The following LRRK2 variants were observed in gnomAD, a reference collection of about 807,000 sequenced individuals.
LRRK2 encodes the protein leucine rich repeat kinase 2, also known as leucine-rich repeat serine/threonine-protein kinase 2.
LRRK2 carries 203 observed loss-of-function variants against 302.6 expected under a neutral mutation model. The observed-to-expected ratio is 0.67, with a 90% CI of 0.60 to 0.75. LRRK2 has a LOEUF of 0.75. Ranked by LOEUF, LRRK2 falls within the 30% of genes least tolerant of loss-of-function variation. LRRK2 has a pLI of 0.00. For missense variants in LRRK2, 2,830 were observed against 2,951.0 expected, an observed-to-expected ratio of 0.96 and a Z score of 0.95; for synonymous variants, 1,066 against 1,031.9, an observed-to-expected ratio of 1.03 and a Z score of -0.63.
At chr12:40,304,187 A>T (rs748349762) in intron 27 of LRRK2, 53 bp downstream of exon 27, 6 of 1,559,168 alleles carry the variant, frequency 3.8e-6, no homozygotes, top group East Asian at 2.2e-5. Context: ...GCATCATTAC[A>T]AATTATCATT....
intron 38 of LRRK2, among the ~76,000 whole-genome samples, chr12:40,324,698 C>T (rs1945495636): frequency 2.0e-5 from 3 of 152,166 alleles, no homozygotes; most frequent in South Asian, 2.1e-4. Context: ...TTATACCCCT[C>T]TTATTGGCAT....
chr12:40,265,751 A>G (rs1312150959), intron 14 of LRRK2, among the ~76,000 whole-genome samples: 2 of 152,176 alleles, frequency 1.3e-5, no homozygotes, highest in African/African-American at 2.4e-5. Flanking sequence ...ACTTCAAACT[A>G]TACTACAAAG....
At chr12:40,306,176 T>G (rs1207179274) in intron 28 of LRRK2, among the ~76,000 whole-genome samples, 1 of 152,196 alleles carries the variant, frequency 6.6e-6, no homozygotes, top group Non-Finnish European at 1.5e-5. Flanking sequence ...GCCAGACTAA[T>G]GTTGAGAGCG....
At chr12:40,225,326 T>C in intron 1 of LRRK2, 44 bp downstream of exon 1, 1 of 1,606,898 alleles carries the variant, frequency 6.2e-7, no homozygotes, top group South Asian at 1.1e-5. Context: ...TTGCAAACTT[T>C]CTCCCCCTCC....
chr12:40,364,722 T>C (rs1946823990), intron 48 of LRRK2, 120 bp from the exon 49 acceptor site: 2 of 840,066 alleles, frequency 2.4e-6, no homozygotes, highest in African/African-American at 1.7e-5. Flanking sequence ...ATTTTAATGA[T>C]GCATAATGGT....
At chr12:40,274,110 T>C (rs1943348607) in intron 14 of LRRK2, among the ~76,000 whole-genome samples, 1 of 152,182 alleles carries the variant, frequency 6.6e-6, no homozygotes, top group Non-Finnish European at 1.5e-5. Flanking sequence ...AAATAACGCA[T>C]GCAAAGCACT....
At chr12:40,283,497 G>A (rs1943791454) in intron 18 of LRRK2, among the ~76,000 whole-genome samples, 1 of 152,188 alleles carries the variant, frequency 6.6e-6, no homozygotes, top group Admixed American at 6.5e-5. Context: ...TATTTACTGT[G>A]TTAAGGTACT....
intron 12 of LRRK2, among the ~76,000 whole-genome samples, chr12:40,257,613 C>T (rs1054984014): frequency 2.6e-5 from 4 of 152,128 alleles, no homozygotes; most frequent in African/African-American, 9.7e-5. Flanking sequence ...GAACCTGATG[C>T]TTGATGTTGA....
chr12:40,263,923 T>G, intron 14 of LRRK2, 22 bp downstream of exon 14: 1 of 1,517,880 alleles, frequency 6.6e-7, no homozygotes, highest in Non-Finnish European at 9.1e-7. Flanking sequence ...ATAAGTTTTC[T>G]GTATTTATAC....
At chr12:40,271,757 C>G (rs773182323) in intron 14 of LRRK2, among the ~76,000 whole-genome samples, 1 of 151,982 alleles carries the variant, frequency 6.6e-6, no homozygotes, top group Non-Finnish European at 1.5e-5. Flanking sequence ...ATCAAATGCT[C>G]ATATTTAAAA....
rs1943947062 is a variant in LRRK2 at position 40,286,937 on chromosome 12, AT to A, written c.2501-413del. On this transcript the variant is annotated intron_variant, in intron 19 of 50. Coordinates refer to ENST00000298910, the MANE Select transcript of LRRK2 (RefSeq NM_198578.4). ...GCATTGTGCTAAACATTTTATATGC[AT>A]CATTTCAATTACTCTTTTTCATCAC... Among the ~76,000 whole-genome samples, 5 of 152,036 alleles carry A rather than the reference AT, an allele frequency of 3.3e-5. No individual in the cohort carries two copies. The South Asian group carries it at 1.0e-3, about 31-fold the overall frequency.
chr12:40,336,531 G>T (rs1043508622), intron 40 of LRRK2, among the ~76,000 whole-genome samples: 3 of 152,168 alleles, frequency 2.0e-5, no homozygotes, highest in Non-Finnish European at 2.9e-5. Flanking sequence ...GTAGGGGAAG[G>T]GGGAGAAAGG....
At chr12:40,280,765 ACT>A (rs1943657340) in intron 18 of LRRK2, among the ~76,000 whole-genome samples, 1 of 151,726 alleles carries the variant, frequency 6.6e-6, no homozygotes, top group African/African-American at 2.4e-5. Context: ...ACAGAGGGAG[ACT>A]CTGTCTCAAA....
chr12:40,344,108 C>G (rs1946126375), intron 41 of LRRK2, among the ~76,000 whole-genome samples: 1 of 151,888 alleles, frequency 6.6e-6, no homozygotes, highest in Non-Finnish European at 1.5e-5. Context: ...AAAAAAATCC[C>G]AACCTTCTTC....
chr12:40,260,014 T>C (rs535373868), intron 13 of LRRK2, among the ~76,000 whole-genome samples: 74 of 152,238 alleles, frequency 4.9e-4, no homozygotes, highest in Admixed American at 2.5e-3. Flanking sequence ...ATGATTGAAT[T>C]AATCTTTCTC....
chr12:40,269,906 T>C (rs887123412), intron 14 of LRRK2, among the ~76,000 whole-genome samples: 2 of 152,170 alleles, frequency 1.3e-5, no homozygotes, highest in African/African-American at 4.8e-5. Flanking sequence ...TTTGCTTTTA[T>C]AGCTTTAGCT....
intron 39 of LRRK2, among the ~76,000 whole-genome samples, chr12:40,332,692 T>C (rs1161142320): frequency 2.6e-5 from 4 of 152,160 alleles, no homozygotes. Context: ...TAGAACCAAA[T>C]TGAACATTTT....
chr12:40,352,299 A>C (rs1001765163), intron 44 of LRRK2, among the ~76,000 whole-genome samples: 1 of 152,102 alleles, frequency 6.6e-6, no homozygotes, highest in Non-Finnish European at 1.5e-5. Flanking sequence ...GTAGCTGGGG[A>C]TGGCGTACCT....
At chr12:40,309,280 G>A (rs1460900118) in intron 30 of LRRK2, 47 bp downstream of exon 30, 8 of 1,520,224 alleles carry the variant, frequency 5.3e-6, no homozygotes, top group Non-Finnish European at 7.0e-6. Flanking sequence ...TCATGTGTCT[G>A]TGTGCGTGTG....
Sources: gnomAD v4.1 joint callset for allele counts (sites outside exome capture counted in the v4.1 genomes callset) on GRCh38, gnomAD v4.1.1 for gene constraint, MANE v1.5 for transcripts, NCBI Gene and HGNC (gene_info 2026-07-23, HGNC 2026-07-21) for gene names.